The following ALK variants were observed in gnomAD, a reference collection of about 807,000 sequenced individuals.
The protein encoded by ALK is ALK tyrosine kinase receptor.
In ALK, 74 loss-of-function variants were observed where a neutral mutation model predicts 163.1. The observed-to-expected ratio is 0.45, with a 90% CI of 0.38 to 0.55. ALK has a LOEUF of 0.55. ALK is among the 20% of genes least tolerant of loss of function. The pLI is 0.00. For synonymous variants in ALK, 960 were observed against 843.2 expected (o/e 1.14, Z -2.40); for missense variants, 2,063 against 2,105.3 (o/e 0.98, Z 0.39).
chr2:29,772,372 T>A (rs552615250), intron 1 of ALK, among the ~76,000 whole-genome samples: 28 of 152,356 alleles, frequency 1.8e-4, no homozygotes, highest in African/African-American at 6.3e-4. Context: ...TGAATATCAT[T>A]TGCATTGCTA....
chr2:29,228,086 C>T (rs141432728), intron 16 of ALK, among the ~76,000 whole-genome samples: 109 of 152,230 alleles, frequency 7.2e-4, no homozygotes, highest in South Asian at 3.7e-3. Context: ...GTGCGGATTG[C>T]GGGAAATGAG....
At chr2:29,793,729 T>G (rs1664241839) in intron 1 of ALK, among the ~76,000 whole-genome samples, 1 of 152,228 alleles carries the variant, frequency 6.6e-6, no homozygotes, top group South Asian at 2.1e-4. Flanking sequence ...GAATCATTTT[T>G]TCTGAGCAGT....
At position 29,456,083 on chromosome 2, in the gene ALK, G is replaced by C. The variant is rs557893008; in HGVS notation, c.1155-72224C>G. Among the ~76,000 whole-genome samples, 9 of 152,328 alleles carry C rather than the reference G, an allele frequency of 5.9e-5. No individual in the cohort carries two copies. In the South Asian group the frequency reaches 1.2e-3, roughly 21 times the overall value. On this transcript the variant is annotated intron_variant, in intron 4 of 28. Transcript: ENST00000389048. The stretch of plus-strand genomic sequence containing the variant: ...ATAATGAGAGTAGTGAGTGGGTAAG[G>C]TGGAGGAGAAATTGGAACCCTCGTG...
chr2:29,747,583 T>G (rs1173237423), intron 1 of ALK, among the ~76,000 whole-genome samples: 3 of 152,212 alleles, frequency 2.0e-5, no homozygotes, highest in Non-Finnish European at 2.9e-5. Context: ...TTTACATTTT[T>G]ATCCCCTCAA....
intron 1 of ALK, chr2:29,890,300 G>C (rs1019955853): frequency 1.3e-4 from 19 of 142,318 alleles, no homozygotes; most frequent in African/African-American, 4.6e-4. Context: ...ATGAAACAGT[G>C]GAAGTTTCCA....
intron 5 of ALK, among the ~76,000 whole-genome samples, chr2:29,342,038 T>G (rs1302794882): frequency 6.6e-6 from 1 of 152,204 alleles, no homozygotes; most frequent in Non-Finnish European, 1.5e-5. Flanking sequence ...CTACTATGTA[T>G]TGGGCATTTT....
intron 3 of ALK, among the ~76,000 whole-genome samples, chr2:29,535,902 A>T (rs897621291): frequency 6.6e-6 from 1 of 152,190 alleles, no homozygotes; most frequent in South Asian, 2.1e-4. Context: ...CAACAGTTTT[A>T]ATCGATTGGC....
intron 1 of ALK, among the ~76,000 whole-genome samples, chr2:29,732,510 C>T (rs542368221): frequency 6.6e-6 from 1 of 152,270 alleles, no homozygotes; most frequent in African/African-American, 2.4e-5. Flanking sequence ...CTAGGTTTAA[C>T]TCACCCTTGG....
At chr2:29,530,961 G>A (rs1673104099) in intron 4 of ALK, among the ~76,000 whole-genome samples, 1 of 152,234 alleles carries the variant, frequency 6.6e-6, no homozygotes, top group Non-Finnish European at 1.5e-5. Context: ...TAATGGCTGG[G>A]AGTGGGGAGA....
rs149432963 is a variant in ALK, at chr2:29,396,819, G to A, written c.1155-12960C>T. 1.0e-2 allele frequency among the ~76,000 whole-genome samples: 1,200 copies of A among 120,044 alleles called. 18 individuals carry two copies. Among genetic ancestry groups the A allele is most frequent in the African/African-American group, 0.036 (1,111 of 31,120 alleles). 78.8% of individuals were successfully genotyped at this position (120,044 alleles called of 152,430 possible). A position where few individuals can be genotyped will look rare whatever the true frequency, so the allele number is the denominator to read the frequency against. On this transcript the variant is annotated intron_variant, in intron 4 of 28. Transcript: ENST00000389048. ...GCTCATGATGTTCTCTGTACCCAGA[G>A]GCCCTTTGTTACTATGGTTTTTTTT...
intron 4 of ALK, among the ~76,000 whole-genome samples, chr2:29,391,936 T>G (rs1349867139): frequency 6.6e-6 from 1 of 152,254 alleles, no homozygotes; most frequent in East Asian, 1.9e-4. Flanking sequence ...GTGGGAATAC[T>G]AATTGACTCA....
chr2:29,614,527 G>A (rs917328408), intron 3 of ALK, among the ~76,000 whole-genome samples: 7 of 152,178 alleles, frequency 4.6e-5, no homozygotes, highest in African/African-American at 1.7e-4. Context: ...CACTCCAAAT[G>A]ATCTGGAGAC....
chr2:29,597,850 G>A (rs1395891663), intron 3 of ALK, among the ~76,000 whole-genome samples: 1 of 152,212 alleles, frequency 6.6e-6, no homozygotes, highest in Non-Finnish European at 1.5e-5. Context: ...ATATTGGGGT[G>A]TGGTGCAGGG....
At chr2:29,715,762 A>C (rs2246981) in intron 2 of ALK, among the ~76,000 whole-genome samples, 132,538 of 152,232 alleles carry the variant, frequency 0.87, 57,896 homozygotes, top group African/African-American at 0.93. Flanking sequence ...ATTAACAATG[A>C]AAAGATCCAG....
At chr2:29,811,655 A>T (rs1186772574) in intron 1 of ALK, among the ~76,000 whole-genome samples, 123 of 152,174 alleles carry the variant, frequency 8.1e-4, no homozygotes, top group Non-Finnish European at 8.8e-5. Flanking sequence ...GCACAAACAC[A>T]ATAAGGCATG....
At chr2:29,237,327 T>TA (rs1323050585) in intron 13 of ALK, among the ~76,000 whole-genome samples, 7 of 152,228 alleles carry the variant, frequency 4.6e-5, no homozygotes, top group Admixed American at 3.3e-4. Context: ...GTGAGCTTTT[T>TA]AACACACATA....
chr2:29,651,567 T>C (rs141615394), intron 3 of ALK, among the ~76,000 whole-genome samples: 1,704 of 152,302 alleles, frequency 0.011, 20 homozygotes, highest in Non-Finnish European at 0.014. Context: ...TCAGAGATAT[T>C]TATGTTTTTC....
At position 29,695,745 on chromosome 2, in the gene ALK, C is replaced by T. The variant is rs187180381; in HGVS notation, c.788-731G>A. Among the ~76,000 whole-genome samples the T allele has an allele frequency of 2.2e-4, 33 of 152,142 alleles. No homozygotes were observed. The East Asian group carries it at 6.2e-3, about 29-fold the overall frequency. The stretch of plus-strand genomic sequence containing the variant: ...TTCTCAAAAGAAGACAGTTATGTGG[C>T]CAACAAACATATGAAAAAAAGCTCA... On this transcript the variant is annotated intron_variant, in intron 2 of 28. Coordinates refer to ENST00000389048, the MANE Select transcript of ALK (RefSeq NM_004304.5).
At chr2:29,683,233 T>C (rs1678130718) in intron 3 of ALK, among the ~76,000 whole-genome samples, 1 of 151,806 alleles carries the variant, frequency 6.6e-6, no homozygotes, top group Non-Finnish European at 1.5e-5. Context: ...AAAAATTAGC[T>C]GGGTGTGGTG....
Sources: allele counts gnomAD v4.1 joint callset (sites outside exome capture counted in the v4.1 genomes callset), GRCh38; gene constraint gnomAD v4.1.1; transcripts MANE v1.5; gene names NCBI Gene and HGNC (gene_info 2026-07-23, HGNC 2026-07-21).